The following ATP6V0D1 variants were observed in gnomAD, a reference collection of about 807,000 sequenced individuals.
ATP6V0D1 encodes ATPase H+ transporting V0 subunit d1, also known as V-type proton ATPase subunit d 1.
ATP6V0D1 carries 13 observed loss-of-function variants against 39.0 expected under a neutral mutation model. The ratio of observed to expected loss-of-function variants is 0.33; its 90% CI spans 0.22 to 0.53. The LOEUF (loss-of-function observed/expected upper bound fraction) is 0.53, where lower values mean the gene tolerates loss of function less well. Ranked by LOEUF, ATP6V0D1 falls within the 20% of genes least tolerant of loss-of-function variation. The pLI is 0.94. For missense variants in ATP6V0D1, 272 were observed against 470.9 expected (o/e 0.58, Z 3.91); for synonymous variants, 191 against 191.2 (o/e 1.00, Z 0.01).
chr16:67,457,943 AT>A (rs1399144515), intron 1 of ATP6V0D1, among the ~76,000 whole-genome samples: 1 of 152,156 alleles, frequency 6.6e-6, no homozygotes, highest in Non-Finnish European at 1.5e-5. Context: ...CAGGAAACTT[AT>A]TTTTTAAAAG....
intron 1 of ATP6V0D1, among the ~76,000 whole-genome samples, chr16:67,479,725 C>T (rs946677036): frequency 2.0e-5 from 3 of 152,262 alleles, no homozygotes; most frequent in Non-Finnish European, 4.4e-5. Context: ...ATCCTCCCCC[C>T]ACCCAGCTAC....
chr16:67,474,593 C>A (rs1293950924), intron 1 of ATP6V0D1, among the ~76,000 whole-genome samples: 1 of 152,186 alleles, frequency 6.6e-6, no homozygotes, highest in Admixed American at 6.5e-5. Context: ...ATGCCTTTGG[C>A]CTTTTTGGCA....
In ATP6V0D1 at chr16:67,481,141, G is replaced by T. The variant is rs373258837; in HGVS notation, c.-55C>A. ...ACCAGGACCGGCCGGCACGAATCGC[G>T]ACTCCCCAGGTCAGCTGACGCTGCG... On this transcript the variant is annotated 5_prime_UTR_variant, in exon 1 of 8. Coordinates refer to ENST00000290949, the MANE Select transcript of ATP6V0D1 (RefSeq NM_004691.5). 3.3e-5 allele frequency: 53 copies of T among 1,608,724 alleles called. No individual in the cohort carries two copies. The highest frequency in any genetic ancestry group is 3.9e-5 in the Non-Finnish European group (46 of 1,176,790).
At position 67,443,099 on chromosome 16, in the gene ATP6V0D1, C is replaced by T; in HGVS notation, c.561G>A (p.Lys187=). The stretch of plus-strand genomic sequence containing the variant: ...CCCCATGGCTTGTGTGGGGCATTAC[C>T]TTGTAGAGGGTGTTGCGGATGATCT... ...NIEIIRNTLY[K]AYLESFYKFC... The change falls in exon 4 of 8, where the codon AAG becomes AAA. Residue 187 remains lysine, a splice_region_variant and synonymous_variant. Coordinates refer to ENST00000290949, the MANE Select transcript of ATP6V0D1 (RefSeq NM_004691.5). 6.2e-7 allele frequency: 1 copy of T among 1,613,606 alleles called. No individual in the cohort carries two copies. Among genetic ancestry groups the T allele is most frequent in the Non-Finnish European group, 8.5e-7 (1 of 1,179,952 alleles).
chr16:67,457,735 G>C, intron 1 of ATP6V0D1: 1 of 956,310 alleles, frequency 1.0e-6, no homozygotes, highest in Non-Finnish European at 1.5e-6. Flanking sequence ...CCACTCCTGG[G>C]CTCAGCAAGG....
In ATP6V0D1 at chr16:67,481,074, G is replaced by T; in HGVS notation, c.13C>A (p.Pro5Thr). The T allele has an allele frequency of 1.2e-6, 2 of 1,614,140 alleles. No homozygotes were observed. Among genetic ancestry groups the T allele is most frequent in the Non-Finnish European group, 1.7e-6 (2 of 1,179,972 alleles). Residue 5 changes from proline (P) to threonine (T), a missense_variant, in exon 1 of 8, where the codon CCG becomes ACG. Around this residue, in one of 4 missense-constraint regions of ATP6V0D1, gnomAD observed 81 missense variants for 96.0 expected, o/e 0.84. Coordinates refer to ENST00000290949, the MANE Select transcript of ATP6V0D1 (RefSeq NM_004691.5). Reference protein sequence around the residue: MSFFPELYFNVDNGY... With the variant: MSFFTELYFNVDNGY... Reference sequence around the variant, plus strand: ...TTGTCCACGTTAAAGTAAAGCTCCGGGAAGAACGACATGGCTGCTGCGGGA... The same window carrying T: ...TTGTCCACGTTAAAGTAAAGCTCCGTGAAGAACGACATGGCTGCTGCGGGA...
At position 67,447,538 on chromosome 16, in the gene ATP6V0D1, C is replaced by T. The variant is rs1253988650; in HGVS notation, c.303-2832G>A. Among the ~76,000 whole-genome samples, 4 of 152,178 alleles carry T rather than the reference C, an allele frequency of 2.6e-5. No individual in the cohort carries two copies. The highest frequency in any genetic ancestry group is 4.4e-5 in the Non-Finnish European group (3 of 68,028). ...AGGAGGGAATAAGGTTCCAGCTGGT[C>T]AGCATCTCCCTCCAGGGGAAGACAG... is the stretch of plus-strand genomic sequence containing the variant. On this transcript the variant is annotated intron_variant, in intron 2 of 7. Transcript: ENST00000290949. This position sits in a 1 kb window ranked among gnomAD's most constrained non-coding sequence, Gnocchi z 4.1.
chr16:67,463,979 G>A (rs927179770), intron 1 of ATP6V0D1, among the ~76,000 whole-genome samples: 15 of 152,360 alleles, frequency 9.8e-5, no homozygotes, highest in Non-Finnish European at 2.1e-4. Flanking sequence ...GGCAGATACC[G>A]AAGGGTGACA....
In ATP6V0D1 at chr16:67,438,255, C is replaced by A; in HGVS notation, c.*273G>T. 2.0e-6 allele frequency: 1 copy of A among 497,030 alleles called. No homozygotes were observed. Among genetic ancestry groups the A allele is most frequent in the Non-Finnish European group, 3.6e-6 (1 of 276,216 alleles). 30.8% of individuals were successfully genotyped at this position (497,030 alleles called of 1,614,324 possible). ...GTGACATGCTTCTTAGATACATCAGCGGCTGTAACCACAGGGCTGAGGGGG... is the reference window on the plus strand; with the variant it reads ...GTGACATGCTTCTTAGATACATCAGAGGCTGTAACCACAGGGCTGAGGGGG... On this transcript the variant is annotated 3_prime_UTR_variant, in exon 8 of 8. Coordinates refer to ENST00000290949, the MANE Select transcript of ATP6V0D1 (RefSeq NM_004691.5).
chr16:67,459,219 C>A, intron 1 of ATP6V0D1: 1 of 985,484 alleles, frequency 1.0e-6, no homozygotes, highest in African/African-American at 1.7e-5. Flanking sequence ...CCTTGAAGTG[C>A]AGGAAATAGT....
At position 67,438,698 on chromosome 16, in the gene ATP6V0D1, A is replaced by C. The variant is rs1364930156; in HGVS notation, c.895-9T>G. The C allele has an allele frequency of 6.2e-7, 1 of 1,614,236 alleles. No homozygotes were observed. Among genetic ancestry groups the C allele is most frequent in the Admixed American group, 1.7e-5 (1 of 60,026 alleles). ...AACTTGTTCAGCTTTACCTGTGGAC[A>C]CGGGCAGATGTGGTGTCCAGGTGGC... On this transcript the variant is annotated splice_polypyrimidine_tract_variant and intron_variant, in intron 7 of 7. Coordinates refer to ENST00000290949, the MANE Select transcript of ATP6V0D1 (RefSeq NM_004691.5).
At chr16:67,466,412 C>G (rs2142327529) in intron 1 of ATP6V0D1, among the ~76,000 whole-genome samples, 1 of 150,926 alleles carries the variant, frequency 6.6e-6, no homozygotes, top group African/African-American at 2.4e-5. Flanking sequence ...TGCCTGTAAT[C>G]CTAGTACTCA....
At chr16:67,448,109 G>C (rs1009315741) in intron 2 of ATP6V0D1, among the ~76,000 whole-genome samples, 2 of 152,202 alleles carry the variant, frequency 1.3e-5, no homozygotes, top group Non-Finnish European at 2.9e-5. Flanking sequence ...CCAGCACTTT[G>C]GGAGGCAGAG....
rs983666387 is a variant in ATP6V0D1, at chr16:67,444,413, T to C, written c.481+115A>G. On this transcript the variant is annotated intron_variant, in intron 3 of 7. Transcript: ENST00000290949. The surrounding 1 kb of genome is among the most constrained non-coding windows in gnomAD (Gnocchi z 4.8). Reference sequence around the variant, plus strand: ...GAAGGGAGACAAAGGTAAGCAGCAGTGGGCAGGTCTCACTTTCTGGCTCAG... The same window carrying C: ...GAAGGGAGACAAAGGTAAGCAGCAGCGGGCAGGTCTCACTTTCTGGCTCAG... 16 of 1,094,624 alleles carry C rather than the reference T, an allele frequency of 1.5e-5. No individual in the cohort carries two copies. The Admixed American group carries it at 2.1e-4, about 14-fold the overall frequency. The allele number at this position is 1,094,624 out of a possible 1,614,324, so 67.8% of individuals were successfully genotyped here.
rs1048385448 is a variant in ATP6V0D1, at chr16:67,461,946, C to A, written c.131-8231G>T. Among the ~76,000 whole-genome samples the A allele has an allele frequency of 5.3e-5, 8 of 152,196 alleles. No individual in the cohort carries two copies. The East Asian group carries it at 9.6e-4, about 18-fold the overall frequency. On this transcript the variant is annotated intron_variant, in intron 1 of 7. Coordinates refer to ENST00000290949, the MANE Select transcript of ATP6V0D1 (RefSeq NM_004691.5). ...ATTACCCTCATACTCTCAGGAACACCTTGTCCCTGAGGCTGGGAGGATGAA... is the reference window on the plus strand; with the variant it reads ...ATTACCCTCATACTCTCAGGAACACATTGTCCCTGAGGCTGGGAGGATGAA...
At chr16:67,480,538 G>A (rs2041460634) in intron 1 of ATP6V0D1, among the ~76,000 whole-genome samples, 1 of 152,086 alleles carries the variant, frequency 6.6e-6, no homozygotes, top group African/African-American at 2.4e-5. Flanking sequence ...AGACCTTAGT[G>A]TCTTGGCGGG....
rs1030705403 is a variant in ATP6V0D1, at chr16:67,481,140, C to G, written c.-54G>C. On this transcript the variant is annotated 5_prime_UTR_variant, in exon 1 of 8. Coordinates refer to ENST00000290949, the MANE Select transcript of ATP6V0D1 (RefSeq NM_004691.5). ...AACCAGGACCGGCCGGCACGAATCG[C>G]GACTCCCCAGGTCAGCTGACGCTGC... 1.2e-6 allele frequency: 2 copies of G among 1,608,744 alleles called. No individual in the cohort carries two copies. The highest frequency in any genetic ancestry group is 1.7e-6 in the Non-Finnish European group (2 of 1,176,666).
In ATP6V0D1 at chr16:67,453,625, A is replaced by G. The variant is rs1249883988; in HGVS notation, c.221T>C (p.Leu74Pro). 2 of 1,614,018 alleles carry G rather than the reference A, an allele frequency of 1.2e-6. No individual in the cohort carries two copies. Among genetic ancestry groups the G allele is most frequent in the Non-Finnish European group, 1.7e-6 (2 of 1,180,026 alleles). Residue 74 changes from leucine (L) to proline (P), a missense_variant, in exon 2 of 8, where the codon CTC becomes CCC. Coordinates refer to ENST00000290949, the MANE Select transcript of ATP6V0D1 (RefSeq NM_004691.5). This position sits in a 1 kb window ranked among gnomAD's most constrained non-coding sequence, Gnocchi z 4.1. ...PLTVSVIDDR[L>P]KEKMVVEFRH... ...GAACTCCACCACCATCTTCTCCTTG[A>G]GCCGGTCATCGATGACTGACACCGT...
In ATP6V0D1 at chr16:67,481,110, C is replaced by G; in HGVS notation, c.-24G>C. 1 of 1,613,302 alleles carries G rather than the reference C, an allele frequency of 6.2e-7. No homozygotes were observed. The highest frequency in any genetic ancestry group is 8.5e-7 in the Non-Finnish European group (1 of 1,179,498). The stretch of plus-strand genomic sequence containing the variant: ...ATGGCTGCTGCGGGAGCGGCGGGAC[C>G]GGAGAACCAGGACCGGCCGGCACGA... On this transcript the variant is annotated 5_prime_UTR_variant, in exon 1 of 8. Transcript: ENST00000290949.
Sources: gnomAD v4.1 joint callset for allele counts (sites outside exome capture counted in the v4.1 genomes callset) on GRCh38, gnomAD v4.1.1 for gene constraint, gnomAD v4.1.1 regional missense constraint, Gnocchi (gnomAD v3.1) non-coding constraint, MANE v1.5 for transcripts, NCBI Gene and HGNC (gene_info 2026-07-23, HGNC 2026-07-21) for gene names.